Variants in BHLHE40 observed in about 807,000 individuals in gnomAD.
The protein encoded by BHLHE40 is class E basic helix-loop-helix protein 40.
Under a neutral mutation model 35.7 loss-of-function variants are expected in BHLHE40, and 3 were observed. That is an observed-to-expected ratio of 0.08 (90% CI 0.04 to 0.22). The LOEUF (loss-of-function observed/expected upper bound fraction) is 0.22. Among genes scored for constraint, BHLHE40 ranks in the 10% least tolerant of loss-of-function variants. The probability of loss-of-function intolerance (pLI) is 1.00; values close to 1 mark genes in which losing one functional copy is unlikely to be tolerated. For missense variants in BHLHE40, 486 were observed against 524.0 expected, an observed-to-expected ratio of 0.93 and a Z score of 0.71; for synonymous variants, 236 against 213.0, an observed-to-expected ratio of 1.11 and a Z score of -0.94.
At chr3:4,982,695 T>G in intron 4 of BHLHE40, 141 bp from the exon 5 acceptor site, 4 of 987,004 alleles carry the variant, frequency 4.1e-6, no homozygotes, top group Non-Finnish European at 6.0e-6. Context: ...CTGAGCATAC[T>G]ACTTTTGGAG....
intron 2 of BHLHE40, 37 bp from the exon 3 acceptor site, chr3:4,980,264 T>C: frequency 6.3e-7 from 1 of 1,575,442 alleles, no homozygotes; most frequent in Non-Finnish European, 8.7e-7. Flanking sequence ...CTCATCTCCT[T>C]CCCCAAGCGC....
In BHLHE40 at chr3:4,984,953, T is replaced by C. The variant is rs114360023; in HGVS notation, c.*1261T>C. The C allele has an allele frequency of 5.4e-3, 821 of 152,208 alleles. 8 individuals are homozygous for C. The highest frequency in any genetic ancestry group is 0.019 in the African/African-American group (798 of 41,480). The allele number at this position is 152,208 out of a possible 1,614,324, so 9.4% of individuals were successfully genotyped here. On this transcript the variant is annotated 3_prime_UTR_variant, in exon 5 of 5. Transcript: ENST00000256495. Reference sequence around the variant, plus strand: ...ATAAATATATTAAAAAGGAAAATGTTTCAGATGTTTATTTGTATAATTACT... The same window carrying C: ...ATAAATATATTAAAAAGGAAAATGTCTCAGATGTTTATTTGTATAATTACT...
chr3:4,980,704 A>G (rs1183530237), intron 3 of BHLHE40, among the ~76,000 whole-genome samples: 1 of 152,106 alleles, frequency 6.6e-6, no homozygotes, highest in Non-Finnish European at 1.5e-5. Context: ...ACTTAAAGGA[A>G]CACGCCAAGA....
In BHLHE40 at chr3:4,983,077, G is replaced by A. The variant is rs771642532; in HGVS notation, c.624G>A (p.Pro208=). The A allele has an allele frequency of 8.7e-6, 14 of 1,614,006 alleles. No homozygotes were observed. The Middle Eastern group carries it at 1.3e-3, about 152-fold the overall frequency. ...VMDFKEKPSS[P]AKGSEGPGKN... ...ACTTCAAGGAAAAACCCAGCTCTCC[G>A]GCCAAAGGTTCGGAAGGTCCTGGGA... Residue 208 remains proline (P), a synonymous_variant, in exon 5 of 5, where the codon CCG becomes CCA. Transcript: ENST00000256495. The surrounding 1 kb of genome is among the most constrained non-coding windows in gnomAD (Gnocchi z 5.0).
At chr3:4,980,090 A>G (rs1002130728) in intron 2 of BHLHE40, 59 bp downstream of exon 2, 3 of 1,582,322 alleles carry the variant, frequency 1.9e-6, no homozygotes, top group African/African-American at 1.3e-5. Context: ...CTGAGTTTCC[A>G]AGAAAAGTTT....
chr3:4,980,557 G>T (rs376264808), intron 3 of BHLHE40, 149 bp downstream of exon 3: 4 of 626,094 alleles, frequency 6.4e-6, no homozygotes, highest in East Asian at 5.8e-5. Context: ...CTCCTCCACA[G>T]TCCTGGCGTT....
At chr3:4,980,954 T>C (rs376349553) in intron 3 of BHLHE40, among the ~76,000 whole-genome samples, 7 of 151,658 alleles carry the variant, frequency 4.6e-5, no homozygotes, top group South Asian at 4.2e-4. Context: ...AGGAAAGAAG[T>C]AGGGAAAGCC....
intron 2 of BHLHE40, 99 bp from the exon 3 acceptor site, chr3:4,980,202 G>A: frequency 8.3e-7 from 1 of 1,204,362 alleles, no homozygotes. Flanking sequence ...GTGCTACTCT[G>A]CTACTCTGCT....
intron 2 of BHLHE40, 71 bp from the exon 3 acceptor site, chr3:4,980,230 C>T (rs1402642031): frequency 3.6e-6 from 5 of 1,377,872 alleles, no homozygotes; most frequent in South Asian, 3.5e-5. Context: ...CGGACTGTTG[C>T]TGCGGGGCTG....
In BHLHE40 at chr3:4,982,971, C is replaced by T; in HGVS notation, c.518C>T (p.Thr173Ile). Residue 173 changes from threonine (T) to isoleucine (I), a missense_variant, in exon 5 of 5, where the codon ACC (threonine) becomes ATC (isoleucine). By Grantham distance (89) the Thr-to-Ile change is moderately conservative. Transcript: ENST00000256495. ...GACCTGAAGTCTTCGCAGCTTGTCA[C>T]CCACCTCCACCGGGTGGTCTCGGAG... ...TRDLKSSQLV[T>I]HLHRVVSELL... 6.2e-7 allele frequency: 1 copy of T among 1,613,192 alleles called. No individual in the cohort carries two copies. Among genetic ancestry groups the T allele is most frequent in the South Asian group, 1.1e-5 (1 of 91,050 alleles).
In BHLHE40 at chr3:4,979,669, C is replaced by G; in HGVS notation, c.-50C>G. On this transcript the variant is annotated 5_prime_UTR_variant, in exon 1 of 5. Coordinates refer to ENST00000256495, the MANE Select transcript of BHLHE40 (RefSeq NM_003670.3). The stretch of plus-strand genomic sequence containing the variant: ...CTCTCCAGGGCAGTCCTCATCCAGA[C>G]GCTCCGCTAGTGCAGACAGGAGCGC... The G allele has an allele frequency of 6.5e-7, 1 of 1,543,770 alleles. No individual in the cohort carries two copies. The highest frequency in any genetic ancestry group is 8.8e-7 in the Non-Finnish European group (1 of 1,142,100).
In BHLHE40 at chr3:4,985,269, T is replaced by C. The variant is rs1277038665; in HGVS notation, c.*1577T>C. The C allele has an allele frequency of 6.6e-6, 1 of 152,358 alleles. No homozygotes were observed. The highest frequency in any genetic ancestry group is 2.4e-5 in the African/African-American group (1 of 41,468). The allele number at this position is 152,358 out of a possible 1,614,324, so 9.4% of individuals were successfully genotyped here. A position where few individuals can be genotyped will look rare whatever the true frequency, so the allele number is the denominator to read the frequency against. ...TCTTTCTTGGCTGAAGCAAACCAGT[T>C]AATCTCAGTGTAATTTCATTCAGCT... On this transcript the variant is annotated 3_prime_UTR_variant, in exon 5 of 5. Coordinates refer to ENST00000256495, the MANE Select transcript of BHLHE40 (RefSeq NM_003670.3).
chr3:4,981,306 T>TC, intron 3 of BHLHE40, 86 bp from the exon 4 acceptor site: 1 of 1,497,438 alleles, frequency 6.7e-7, no homozygotes, highest in Middle Eastern at 1.8e-4. Context: ...CTTTTTTTTT[T>TC]CTTTTCTCAT....
intron 3 of BHLHE40, among the ~76,000 whole-genome samples, chr3:4,980,898 G>GAGGA (rs1458963991): frequency 2.6e-5 from 4 of 151,876 alleles, no homozygotes; most frequent in Admixed American, 1.3e-4. Context: ...AGTATTTCGG[G>GAGGA]AGGAACAAAA....
rs1206443410 is a variant in BHLHE40, at chr3:4,983,714, C to G, written c.*22C>G. 1.3e-6 allele frequency: 2 copies of G among 1,554,950 alleles called. No homozygotes were observed. The highest frequency in any genetic ancestry group is 1.7e-6 in the Non-Finnish European group (2 of 1,154,858). ...CTAAACTCTCTAGGGGATCCTGCTG[C>G]TTTGCTTTCCTTCCTCGCTACTTCC... On this transcript the variant is annotated 3_prime_UTR_variant, in exon 5 of 5. Transcript: ENST00000256495. The surrounding 1 kb of genome is among the most constrained non-coding windows in gnomAD (Gnocchi z 5.0).
In BHLHE40 at chr3:4,979,980, G is replaced by T; in HGVS notation, c.99G>T (p.Met33Ile). ...GDLPGMYPAH[M>I]YQVYKSRRGI... is the part of the protein sequence containing the mutation. ...CCTGCAGGATGTACCCTGCCCACAT[G>T]TACCAAGTGTACAAGTCAAGACGGG... Residue 33 changes from methionine (M) to isoleucine (I), a missense_variant, in exon 2 of 5, where the codon ATG becomes ATT. Coordinates refer to ENST00000256495, the MANE Select transcript of BHLHE40 (RefSeq NM_003670.3). The T allele has an allele frequency of 6.2e-7, 1 of 1,614,170 alleles. No homozygotes were observed. Among genetic ancestry groups the T allele is most frequent in the African/African-American group, 1.3e-5 (1 of 75,028 alleles).
Position 4,980,351 on chromosome 3 carries a change from G to C in BHLHE40, c.201G>C (p.Arg67=). Residue 67 remains arginine, a synonymous_variant, in exon 3 of 5, where the codon CGG becomes CGC. Coordinates refer to ENST00000256495, the MANE Select transcript of BHLHE40 (RefSeq NM_003670.3). ...HRLIEKKRRD[R]INECIAQLKD... ...TCATCGAGAAAAAGAGACGTGACCG[G>C]ATTAACGAGTGCATCGCCCAGCTGA... The C allele has an allele frequency of 6.2e-7, 1 of 1,614,146 alleles. No homozygotes were observed. The highest frequency in any genetic ancestry group is 1.3e-5 in the African/African-American group (1 of 75,046).
rs2053194514 is a variant in BHLHE40, at chr3:4,981,308, TTTTCTCA to T, written c.259-74_259-68del. On this transcript the variant is annotated intron_variant, in intron 3 of 4. Coordinates refer to ENST00000256495, the MANE Select transcript of BHLHE40 (RefSeq NM_003670.3). ...AAACACTATTCCACTTTTTTTTTTC[TTTTCTCA>T]TTTCTCATTGCTAATAAATGTCCCA... 50 of 1,513,056 alleles carry T rather than the reference TTTTCTCA, an allele frequency of 3.3e-5. No homozygotes were observed. The South Asian group carries it at 4.1e-4, about 12-fold the overall frequency. 93.7% of individuals were successfully genotyped at this position (1,513,056 alleles called of 1,614,324 possible).
chr3:4,985,299 A>C lies in BHLHE40; in HGVS notation c.*1607A>C, dbSNP rs1356064577. 6.6e-6 allele frequency: 1 copy of C among 152,152 alleles called. No individual in the cohort carries two copies. Among genetic ancestry groups the C allele is most frequent in the Non-Finnish European group, 1.5e-5 (1 of 68,012 alleles). The allele number at this position is 152,152 out of a possible 1,614,324, so 9.4% of individuals were successfully genotyped here. ...TCAGTGTAATTTCATTCAGCTTTTC[A>C]TGTGCTTTGTATTCAATCAGAATAA... is the stretch of plus-strand genomic sequence containing the variant. On this transcript the variant is annotated 3_prime_UTR_variant, in exon 5 of 5. Coordinates refer to ENST00000256495, the MANE Select transcript of BHLHE40 (RefSeq NM_003670.3).
Sources: gnomAD v4.1 joint callset for allele counts (sites outside exome capture counted in the v4.1 genomes callset) on GRCh38, gnomAD v4.1.1 for gene constraint, Gnocchi (gnomAD v3.1) non-coding constraint, MANE v1.5 for transcripts, NCBI Gene and HGNC (gene_info 2026-07-23, HGNC 2026-07-21) for gene names.